Variants in MYL4 observed in about 807,000 individuals in gnomAD.
MYL4 encodes the protein myosin light chain 4, also known as atrial myosin light chain 1.
Under a neutral mutation model 21.6 loss-of-function variants are expected in MYL4, and 16 were observed. That is an observed-to-expected ratio of 0.74 (90% CI 0.50 to 1.12). The LOEUF (loss-of-function observed/expected upper bound fraction) is 1.12. Ranked by LOEUF, MYL4 falls within the 50% of genes most tolerant of loss-of-function variation. The pLI is 0.00. For missense variants in MYL4, 249 were observed against 252.9 expected, an observed-to-expected ratio of 0.98 and a Z score of 0.11; for synonymous variants, 82 against 95.7, an observed-to-expected ratio of 0.86 and a Z score of 0.83.
At chr17:47,193,651 A>G in the MYL4 span, among the ~76,000 whole-genome samples, 647 of 152,180 alleles carry the variant, frequency 4.3e-3, 19 homozygotes, top group Admixed American at 0.029. Flanking sequence ...GACCTGTTCT[A>G]GGCCTTCTTC....
chr17:47,224,347 T>G (rs555435197), downstream of MYL4, among the ~76,000 whole-genome samples: 1 of 152,278 alleles, frequency 6.6e-6, no homozygotes, highest in Non-Finnish European at 1.5e-5. Context: ...CATCAGATCT[T>G]GTGAGACTTA....
chr17:47,227,556 C>A (rs1245648412), downstream of MYL4, among the ~76,000 whole-genome samples: 1 of 152,144 alleles, frequency 6.6e-6, no homozygotes, highest in African/African-American at 2.4e-5. Flanking sequence ...TCCTCTTCCA[C>A]CTCTGCCACC....
the MYL4 span, among the ~76,000 whole-genome samples, chr17:47,191,674 T>C: frequency 6.6e-6 from 1 of 152,166 alleles, no homozygotes; most frequent in South Asian, 2.1e-4. Flanking sequence ...TTTCACCATG[T>C]TGGCCAGGCT....
At position 47,219,980 on chromosome 17, in the gene MYL4, T is replaced by G. The variant is rs1389731735; in HGVS notation, c.240T>G (p.Asp80Glu). 1 of 1,614,174 alleles carries G rather than the reference T, an allele frequency of 6.2e-7. No homozygotes were observed. Among genetic ancestry groups the G allele is most frequent in the South Asian group, 1.1e-5 (1 of 91,078 alleles). ...AGATCACCTACGGCCAGTGCGGGGATGTACTGCGGGCCCTGGGCCAGAACC... is the reference window on the plus strand; with the variant it reads ...AGATCACCTACGGCCAGTGCGGGGAGGTACTGCGGGCCCTGGGCCAGAACC... ...EMKITYGQCG[D>E]VLRALGQNPT... The change falls in exon 3 of 7, where the codon GAT (aspartate) becomes GAG (glutamate). Residue 80 changes from aspartate (D) to glutamate (E), a missense_variant. Asp to Glu is a conservative substitution (Grantham distance 45, BLOSUM62 2). Coordinates refer to ENST00000393450, the MANE Select transcript of MYL4 (RefSeq NM_002476.2).
chr17:47,206,499 A>T (rs185736039), upstream of MYL4, among the ~76,000 whole-genome samples: 36 of 152,210 alleles, frequency 2.4e-4, no homozygotes, highest in Middle Eastern at 3.4e-3. Context: ...GTGATTATTT[A>T]AAAAAATTTT....
chr17:47,213,780 A>G lies in MYL4; in HGVS notation c.136-19A>G, dbSNP rs1201160658. ...GCTTTTAGCAATCCAAGCCCTCACT[A>G]CTATTTCCCTCCCTACAGATAGACT... On this transcript the variant is annotated intron_variant, in intron 1 of 6. Transcript: ENST00000393450. 2 of 1,613,840 alleles carry G rather than the reference A, an allele frequency of 1.2e-6. No individual in the cohort carries two copies. Among genetic ancestry groups the G allele is most frequent in the East Asian group, 2.2e-5 (1 of 44,874 alleles).
chr17:47,208,604 TTAGAGG>T (rs2064747544), upstream of MYL4, among the ~76,000 whole-genome samples: 1 of 140,558 alleles, frequency 7.1e-6, no homozygotes, highest in Admixed American at 7.0e-5. Flanking sequence ...ACAGAATGAG[TTAGAGG>T]TAAAGTGAAA....
At chr17:47,222,595 C>T (rs989329822) in intron 5 of MYL4, 138 bp downstream of exon 5, 3 of 726,606 alleles carry the variant, frequency 4.1e-6, no homozygotes, top group African/African-American at 3.5e-5. Context: ...TTGTTCTGTT[C>T]CATCTTGTGA....
chr17:47,223,848 T>C (rs1440655612), downstream of MYL4, among the ~76,000 whole-genome samples: 1 of 151,966 alleles, frequency 6.6e-6, no homozygotes, highest in Non-Finnish European at 1.5e-5. Context: ...AGCCTGTGGA[T>C]CTAGAGATAT....
upstream of MYL4, among the ~76,000 whole-genome samples, chr17:47,206,475 G>C (rs529240751): frequency 1.8e-4 from 28 of 152,114 alleles, no homozygotes; most frequent in Non-Finnish European, 3.8e-4. Flanking sequence ...CTGGAAGGGG[G>C]CATGTGTCAT....
At chr17:47,223,144 C>A in intron 6 of MYL4, 87 bp downstream of exon 6, 1 of 1,387,268 alleles carries the variant, frequency 7.2e-7, no homozygotes, top group Non-Finnish European at 1.0e-6. Context: ...GCATCTGTCC[C>A]AGCCCTGACC....
At chr17:47,221,597 T>A in intron 3 of MYL4, 85 bp from the exon 4 acceptor site, 1 of 1,488,572 alleles carries the variant, frequency 6.7e-7, no homozygotes, top group Non-Finnish European at 9.1e-7. Flanking sequence ...GCTGTCAGAC[T>A]TGGGGTGAGG....
rs559816435 is a variant in MYL4, at chr17:47,221,543, A to G, written c.314-139A>G. On this transcript the variant is annotated intron_variant, in intron 3 of 6. Transcript: ENST00000393450. ...AAGCTCTGTGTCCTCTAGGAGCACT[A>G]ATGGGTGTACCACCCAGAATTGGCT... is the stretch of plus-strand genomic sequence containing the variant. 33 of 885,560 alleles carry G rather than the reference A, an allele frequency of 3.7e-5. No individual in the cohort carries two copies. The Admixed American group carries it at 6.7e-4, about 18-fold the overall frequency. The allele number at this position is 885,560 out of a possible 1,614,324, so 54.9% of individuals were successfully genotyped here. A position where few individuals can be genotyped will look rare whatever the true frequency, so the allele number is the denominator to read the frequency against.
At chr17:47,204,487 C>T (rs1826020056), upstream of MYL4, among the ~76,000 whole-genome samples, 2 of 152,084 alleles carry the variant, frequency 1.3e-5, no homozygotes, top group South Asian at 4.1e-4. Context: ...TCTACATGTG[C>T]CACCTGTATT....
Position 47,221,857 on chromosome 17 carries a change from T to C in MYL4, c.487+2T>C. 1 of 1,611,948 alleles carries C rather than the reference T, an allele frequency of 6.2e-7. No individual in the cohort carries two copies. The highest frequency in any genetic ancestry group is 1.1e-5 in the South Asian group (1 of 90,810). Reference sequence around the variant, plus strand: ...TTCGGCACGTCCTTGCCACCCTGGGTATGCCAGCTGGGCAGAGATGAAGAC... The same window carrying C: ...TTCGGCACGTCCTTGCCACCCTGGGCATGCCAGCTGGGCAGAGATGAAGAC... On this transcript the variant is annotated splice_donor_variant, in intron 4 of 6. Coordinates refer to ENST00000393450, the MANE Select transcript of MYL4 (RefSeq NM_002476.2). LOFTEE classifies it high-confidence loss of function.
chr17:47,212,008 TGA>T (rs1339745284), intron 1 of MYL4, among the ~76,000 whole-genome samples: 4 of 152,290 alleles, frequency 2.6e-5, no homozygotes, highest in African/African-American at 9.6e-5. Flanking sequence ...GTGGATCACC[TGA>T]GGTCAGGAGT....
chr17:47,202,299 T>C (rs2064712671), intron 1 of MYL4, among the ~76,000 whole-genome samples: 1 of 152,214 alleles, frequency 6.6e-6, no homozygotes. Context: ...ATTCTTTTTT[T>C]GTACTTCAAA....
At chr17:47,218,969 A>G (rs1827835964) in intron 2 of MYL4, among the ~76,000 whole-genome samples, 1 of 152,222 alleles carries the variant, frequency 6.6e-6, no homozygotes, top group Non-Finnish European at 1.5e-5. Context: ...AGCTGTAACC[A>G]CAATTTGTCG....
intron 2 of MYL4, chr17:47,214,055 T>C: frequency 1.9e-6 from 1 of 526,966 alleles, no homozygotes; most frequent in Non-Finnish European, 3.4e-6. Context: ...AATTGTTACC[T>C]CCCCCATTTT....
Sources: allele counts gnomAD v4.1 joint callset (sites outside exome capture counted in the v4.1 genomes callset), GRCh38; gene constraint gnomAD v4.1.1; transcripts MANE v1.5; gene names NCBI Gene and HGNC (gene_info 2026-07-23, HGNC 2026-07-21).